CDKL1: variants seen among roughly 807,000 people sequenced by gnomAD.
CDKL1 encodes cyclin-dependent kinase-like 1.
CDKL1 carries 41 observed loss-of-function variants against 42.0 expected under a neutral mutation model. The observed-to-expected ratio is 0.98, with a 90% CI of 0.76 to 1.27. CDKL1 has a LOEUF of 1.27. CDKL1 is among the 50% of genes most tolerant of loss of function. CDKL1 has a pLI of 0.00. For missense variants in CDKL1, 394 were observed against 428.4 expected (o/e 0.92, Z 0.71); for synonymous variants, 153 against 158.6 (o/e 0.96, Z 0.26).
intron 2 of CDKL1, among the ~76,000 whole-genome samples, chr14:50,384,538 G>T (rs2035014127): frequency 6.6e-6 from 1 of 151,940 alleles, no homozygotes; most frequent in South Asian, 2.1e-4. Flanking sequence ...TAGATGGAAG[G>T]AGCCGCAAAT....
At chr14:50,360,901 G>A (rs1328470442) in intron 2 of CDKL1, among the ~76,000 whole-genome samples, 3 of 150,328 alleles carry the variant, frequency 2.0e-5, no homozygotes, top group African/African-American at 2.4e-5. Context: ...GAATAATATC[G>A]CATTGTATGA....
intron 2 of CDKL1, among the ~76,000 whole-genome samples, chr14:50,380,741 T>G (rs2034879471): frequency 6.6e-6 from 1 of 151,520 alleles, no homozygotes; most frequent in Non-Finnish European, 1.5e-5. Context: ...GAAAACCCTC[T>G]GGGGAATGGC....
chr14:50,371,267 T>C (rs2034583529), intron 2 of CDKL1, among the ~76,000 whole-genome samples: 1 of 152,236 alleles, frequency 6.6e-6, no homozygotes, highest in Admixed American at 6.5e-5. Context: ...AGAAGTGGGA[T>C]TGCTGGATCA....
intron 2 of CDKL1, among the ~76,000 whole-genome samples, chr14:50,384,328 C>A (rs575344213): frequency 6.6e-6 from 1 of 152,182 alleles, no homozygotes; most frequent in Non-Finnish European, 1.5e-5. Context: ...TTTTACTTGG[C>A]CTGAATGATG....
intron 2 of CDKL1, among the ~76,000 whole-genome samples, chr14:50,376,719 A>G (rs1482467056): frequency 1.3e-5 from 2 of 152,224 alleles, no homozygotes; most frequent in Non-Finnish European, 1.5e-5. Flanking sequence ...TTCACTTGTC[A>G]TATATTATTG....
At chr14:50,337,032 G>A (rs937827607) in intron 7 of CDKL1, among the ~76,000 whole-genome samples, 2 of 151,912 alleles carry the variant, frequency 1.3e-5, no homozygotes, top group Admixed American at 6.6e-5. Context: ...GTTTTGAGAC[G>A]GAATCTGGCC....
chr14:50,397,014 A>C, upstream of CDKL1: 9 of 1,145,292 alleles, frequency 7.9e-6, no homozygotes, highest in Non-Finnish European at 9.2e-6. Flanking sequence ...GCTGCAGGGA[A>C]AGGCCTCGGA....
intron 2 of CDKL1, chr14:50,378,371 G>C: frequency 7.3e-7 from 1 of 1,366,366 alleles, no homozygotes; most frequent in Non-Finnish European, 9.8e-7. Context: ...GACAAGACCT[G>C]CCTCATAGGT....
intron 4 of CDKL1, among the ~76,000 whole-genome samples, chr14:50,343,747 G>A (rs2139405923): frequency 6.6e-6 from 1 of 152,234 alleles, no homozygotes; most frequent in South Asian, 2.1e-4. Flanking sequence ...TGCCCTACCA[G>A]GGTCTTGGTG....
chr14:50,338,512 C>T (rs538450944), intron 7 of CDKL1, among the ~76,000 whole-genome samples: 13 of 152,240 alleles, frequency 8.5e-5, no homozygotes, highest in Middle Eastern at 3.4e-3. Flanking sequence ...AGGATTATAG[C>T]GTGAACCATT....
At chr14:50,364,846 C>T (rs56322134) in intron 2 of CDKL1, among the ~76,000 whole-genome samples, 14 of 152,096 alleles carry the variant, frequency 9.2e-5, no homozygotes, top group Non-Finnish European at 1.8e-4. Flanking sequence ...ATTTATATAT[C>T]TTAAGGTGCA....
intron 3 of CDKL1, among the ~76,000 whole-genome samples, chr14:50,348,149 A>T (rs146595997): frequency 6.6e-6 from 1 of 152,210 alleles, no homozygotes. Context: ...TAACTTAACA[A>T]TCCTAGAAAG....
intron 2 of CDKL1, among the ~76,000 whole-genome samples, chr14:50,389,448 G>A (rs2035187446): frequency 6.6e-6 from 1 of 152,010 alleles, no homozygotes; most frequent in African/African-American, 2.4e-5. Context: ...TGAACCATAT[G>A]TATATCTGTG....
At chr14:50,358,538 C>CT (rs1225669601) in intron 3 of CDKL1, among the ~76,000 whole-genome samples, 16 of 147,800 alleles carry the variant, frequency 1.1e-4, no homozygotes, top group South Asian at 2.1e-4. Flanking sequence ...ATTAAAGTGA[C>CT]TATTTTTTTT....
intron 2 of CDKL1, among the ~76,000 whole-genome samples, chr14:50,375,331 T>C (rs2139500264): frequency 6.6e-6 from 1 of 152,374 alleles, no homozygotes; most frequent in Middle Eastern, 3.4e-3. Flanking sequence ...GATAAGTCAG[T>C]GGGAGAGTAG....
At chr14:50,377,624 C>T (rs1391401792) in intron 2 of CDKL1, 2 of 1,339,446 alleles carry the variant, frequency 1.5e-6, no homozygotes, top group Non-Finnish European at 2.0e-6. Flanking sequence ...AAGGACCCCA[C>T]TGCTGATGAT....
chr14:50,384,019 A>G (rs1287257611), intron 2 of CDKL1, among the ~76,000 whole-genome samples: 1 of 152,368 alleles, frequency 6.6e-6, no homozygotes, highest in East Asian at 1.9e-4. Context: ...CAGTTAGTAT[A>G]TTATCTTGTA....
intron 2 of CDKL1, chr14:50,377,639 G>A (rs1458568262): frequency 3.9e-6 from 5 of 1,266,688 alleles, no homozygotes; most frequent in Non-Finnish European, 5.1e-6. Flanking sequence ...GATGATAAGT[G>A]GGGTGGGAGG....
At chr14:50,345,465 G>C (rs11570825) in intron 3 of CDKL1, among the ~76,000 whole-genome samples, 37,773 of 152,102 alleles carry the variant, frequency 0.25, 5,261 homozygotes, top group African/African-American at 0.37. Context: ...ATTTTCTCAA[G>C]TTGCCCCAAA....
Sources: allele counts gnomAD v4.1 joint callset (sites outside exome capture counted in the v4.1 genomes callset), GRCh38; gene constraint gnomAD v4.1.1; transcripts MANE v1.5; gene names NCBI Gene and HGNC (gene_info 2026-07-23, HGNC 2026-07-21).